Variants in ARNT2 observed in about 807,000 individuals in gnomAD.
ARNT2 encodes aryl hydrocarbon receptor nuclear translocator 2.
Under a neutral mutation model 91.7 loss-of-function variants are expected in ARNT2, and 36 were observed. That is an observed-to-expected ratio of 0.39 (90% confidence interval 0.30 to 0.52). The LOEUF (loss-of-function observed/expected upper bound fraction) is 0.52, where lower values mean the gene tolerates loss of function less well. Ranked by LOEUF, ARNT2 falls within the 20% of genes least tolerant of loss-of-function variation. The pLI is 0.72. For missense variants in ARNT2, 775 were observed against 939.3 expected, an observed-to-expected ratio of 0.83 and a Z score of 2.29; for synonymous variants, 365 against 347.1, an observed-to-expected ratio of 1.05 and a Z score of -0.57.
At chr15:80,442,903 T>G in intron 1 of ARNT2, 1 of 985,494 alleles carries the variant, frequency 1.0e-6, no homozygotes, top group Non-Finnish European at 1.2e-6. Context: ...GCCGACACAC[T>G]ATTTTGAGGC....
At chr15:80,465,851 C>T (rs2141391384) in intron 3 of ARNT2, among the ~76,000 whole-genome samples, 1 of 152,276 alleles carries the variant, frequency 6.6e-6, no homozygotes, top group East Asian at 1.9e-4. Context: ...GGAGCTCTCC[C>T]CATCGCACAC....
chr15:80,452,479 A>G (rs1187701539), intron 2 of ARNT2, among the ~76,000 whole-genome samples: 3 of 152,242 alleles, frequency 2.0e-5, no homozygotes, highest in African/African-American at 7.2e-5. Flanking sequence ...CTTGCTAACT[A>G]GGTGCTAAAC....
At chr15:80,518,988 C>T (rs1897488011) in intron 8 of ARNT2, among the ~76,000 whole-genome samples, 1 of 152,028 alleles carries the variant, frequency 6.6e-6, no homozygotes, top group Admixed American at 6.5e-5. Context: ...GAGGGAAAAC[C>T]CATGAAAGTG....
At chr15:80,549,094 G>A (rs1446061913) in intron 8 of ARNT2, among the ~76,000 whole-genome samples, 1 of 152,102 alleles carries the variant, frequency 6.6e-6, no homozygotes, top group Non-Finnish European at 1.5e-5. Context: ...ACCCAAACAT[G>A]TATGGAAATT....
intron 5 of ARNT2, among the ~76,000 whole-genome samples, chr15:80,487,417 T>G (rs4778800): frequency 0.82 from 124,785 of 152,180 alleles, 51,408 homozygotes; most frequent in East Asian, 0.96. Flanking sequence ...AGGGGTCAAG[T>G]CCAGGAACTG....
At chr15:80,550,258 C>A (rs975374518) in intron 8 of ARNT2, among the ~76,000 whole-genome samples, 3 of 152,156 alleles carry the variant, frequency 2.0e-5, no homozygotes, top group Non-Finnish European at 4.4e-5. Flanking sequence ...GGAAAGAAGA[C>A]AGAATGTAGT....
chr15:80,410,591 G>T (rs867056725), intron 1 of ARNT2, among the ~76,000 whole-genome samples: 20 of 152,158 alleles, frequency 1.3e-4, no homozygotes, highest in Admixed American at 4.6e-4. Context: ...TTTCCTTGGG[G>T]TAAGTTAGTT....
At chr15:80,489,108 C>T (rs554699451) in intron 5 of ARNT2, among the ~76,000 whole-genome samples, 12 of 152,310 alleles carry the variant, frequency 7.9e-5, no homozygotes, top group African/African-American at 2.4e-4. Flanking sequence ...AATCATCTCA[C>T]GTGATAGTCA....
intron 5 of ARNT2, chr15:80,487,760 A>C (rs1047939511): frequency 3.9e-5 from 6 of 152,236 alleles, no homozygotes; most frequent in African/African-American, 1.4e-4. Context: ...TGCTTTGTTC[A>C]TGGCAACAAC....
intron 17 of ARNT2, among the ~76,000 whole-genome samples, chr15:80,586,253 GT>G (rs1240020659): frequency 6.6e-6 from 1 of 152,126 alleles, no homozygotes; most frequent in Non-Finnish European, 1.5e-5. Flanking sequence ...TAGGATCTAA[GT>G]TACATTATTT....
intron 5 of ARNT2, among the ~76,000 whole-genome samples, chr15:80,485,336 C>T (rs1298349990): frequency 6.6e-6 from 1 of 152,136 alleles, no homozygotes; most frequent in Non-Finnish European, 1.5e-5. Flanking sequence ...TTTTCTTTCT[C>T]TTTGTTCTAT....
At chr15:80,452,019 G>A (rs930092612) in intron 2 of ARNT2, among the ~76,000 whole-genome samples, 8 of 152,176 alleles carry the variant, frequency 5.3e-5, no homozygotes, top group Admixed American at 2.0e-4. Context: ...GGGTGTGCCC[G>A]TTTTTAGGTG....
intron 11 of ARNT2, among the ~76,000 whole-genome samples, chr15:80,559,002 G>C (rs1354393528): frequency 2.0e-5 from 3 of 152,166 alleles, no homozygotes; most frequent in Non-Finnish European, 2.9e-5. Context: ...TACACAGTAA[G>C]TGTTGTCTTC....
chr15:80,511,629 G>C (rs187891400), intron 6 of ARNT2, among the ~76,000 whole-genome samples: 1 of 152,202 alleles, frequency 6.6e-6, no homozygotes, highest in East Asian at 1.9e-4. Flanking sequence ...TATGGACCTG[G>C]GGATTGACAT....
intron 16 of ARNT2, 97 bp from the exon 17 acceptor site, chr15:80,581,142 G>C (rs1370794044): frequency 6.9e-7 from 1 of 1,440,466 alleles, no homozygotes; most frequent in African/African-American, 1.4e-5. Context: ...TGTCAACCCA[G>C]AGCAGGCACT....
chr15:80,418,955 G>A (rs1895824042), intron 1 of ARNT2, among the ~76,000 whole-genome samples: 1 of 152,186 alleles, frequency 6.6e-6, no homozygotes, highest in South Asian at 2.1e-4. Flanking sequence ...TACACTGGGT[G>A]GAAAGAATGA....
chr15:80,465,959 C>T (rs1896646005), intron 3 of ARNT2, among the ~76,000 whole-genome samples: 1 of 152,210 alleles, frequency 6.6e-6, no homozygotes, highest in Admixed American at 6.5e-5. Context: ...TTTCCGTGGG[C>T]TCTCTGTCCT....
At chr15:80,463,753 T>A (rs192588426) in intron 3 of ARNT2, among the ~76,000 whole-genome samples, 421 of 152,160 alleles carry the variant, frequency 2.8e-3, no homozygotes, top group Non-Finnish European at 4.7e-3. Flanking sequence ...TAATTTTTTG[T>A]ATTTTTTGTA....
chr15:80,574,689 T>C (rs999828230), intron 13 of ARNT2, among the ~76,000 whole-genome samples: 1 of 152,192 alleles, frequency 6.6e-6, no homozygotes, highest in Non-Finnish European at 1.5e-5. Context: ...ATGTCCACTT[T>C]TCCTGATATT....
Sources: gnomAD v4.1 joint callset for allele counts (sites outside exome capture counted in the v4.1 genomes callset) on GRCh38, gnomAD v4.1.1 for gene constraint, MANE v1.5 for transcripts, NCBI Gene and HGNC (gene_info 2026-07-23, HGNC 2026-07-21) for gene names.